PHF20: variants seen among roughly 807,000 people sequenced by gnomAD.
The protein encoded by PHF20 is PHD finger protein 20.
In PHF20, 23 loss-of-function variants were observed where a neutral mutation model predicts 113.5. The observed-to-expected ratio is 0.20, with a 90% CI of 0.15 to 0.29. The LOEUF is 0.29. Ranked by LOEUF, PHF20 falls within the 10% of genes least tolerant of loss-of-function variation. PHF20 has a pLI of 1.00. For synonymous variants in PHF20, 434 were observed against 457.3 expected (o/e 0.95, Z 0.65); for missense variants, 943 against 1,219.6 (o/e 0.77, Z 3.38).
At chr20:35,874,429 C>T (rs191173668) in intron 9 of PHF20, among the ~76,000 whole-genome samples, 2 of 152,232 alleles carry the variant, frequency 1.3e-5, no homozygotes, top group Admixed American at 6.5e-5. Flanking sequence ...TGAAGAATTT[C>T]CTTCAGATTT....
intron 6 of PHF20, among the ~76,000 whole-genome samples, chr20:35,867,172 T>A (rs2054333506): frequency 6.6e-6 from 1 of 152,228 alleles, no homozygotes; most frequent in East Asian, 1.9e-4. Context: ...GTTCATTGAT[T>A]TGTAGAGCCT....
intron 2 of PHF20, among the ~76,000 whole-genome samples, chr20:35,811,617 T>C (rs1431175012): frequency 1.3e-5 from 2 of 151,144 alleles, no homozygotes; most frequent in African/African-American, 4.9e-5. Flanking sequence ...TAATTTTTTT[T>C]GTATTTAGTA....
chr20:35,787,434 C>T (rs866080462), intron 1 of PHF20, among the ~76,000 whole-genome samples: 2 of 151,734 alleles, frequency 1.3e-5, no homozygotes, highest in Non-Finnish European at 1.5e-5. Context: ...CCGCCTCCAC[C>T]TCTCAAAGTG....
intron 1 of PHF20, among the ~76,000 whole-genome samples, chr20:35,772,436 T>C (rs1385696100): frequency 2.0e-5 from 3 of 152,158 alleles, no homozygotes; most frequent in Admixed American, 2.0e-4. Flanking sequence ...CTGAGCTGTG[T>C]GGGCACCTAG....
intron 6 of PHF20, among the ~76,000 whole-genome samples, chr20:35,864,407 A>AACACACACACACAC (rs376477234): frequency 3.5e-4 from 47 of 132,530 alleles, no homozygotes; most frequent in South Asian, 1.7e-3. Context: ...CCCATCTCAA[A>AACACACACACACAC]ACACACACAC....
At chr20:35,898,057 G>T (rs1416363328) in intron 9 of PHF20, among the ~76,000 whole-genome samples, 1 of 151,772 alleles carries the variant, frequency 6.6e-6, no homozygotes, top group Non-Finnish European at 1.5e-5. Context: ...TGTATTTTTA[G>T]TAGAGATGGG....
At chr20:35,793,492 G>T (rs998833104) in intron 1 of PHF20, among the ~76,000 whole-genome samples, 1 of 150,662 alleles carries the variant, frequency 6.6e-6, no homozygotes, top group African/African-American at 2.4e-5. Context: ...TAGAGACGGG[G>T]TTTCACCATA....
intron 2 of PHF20, among the ~76,000 whole-genome samples, chr20:35,813,196 T>C (rs1287844339): frequency 6.6e-6 from 1 of 151,826 alleles, no homozygotes; most frequent in East Asian, 1.9e-4. Context: ...GGTCTCGATC[T>C]CCTGGCCTCG....
chr20:35,840,651 C>CCAGCAG (rs747108234), intron 2 of PHF20, among the ~76,000 whole-genome samples: 6 of 151,680 alleles, frequency 4.0e-5, no homozygotes, highest in Non-Finnish European at 8.8e-5. Flanking sequence ...TTATTGCAGA[C>CCAGCAG]CAGCAGCAGC....
At chr20:35,894,649 G>T (rs2054943705) in intron 9 of PHF20, among the ~76,000 whole-genome samples, 1 of 152,178 alleles carries the variant, frequency 6.6e-6, no homozygotes, top group Non-Finnish European at 1.5e-5. Context: ...ACCTTTCTAA[G>T]CTCTTTGCAT....
chr20:35,883,394 A>T (rs543596982), intron 9 of PHF20, among the ~76,000 whole-genome samples: 1 of 152,286 alleles, frequency 6.6e-6, no homozygotes, highest in Admixed American at 6.5e-5. Flanking sequence ...AGTTAGCTAG[A>T]GTGGCACACT....
intron 4 of PHF20, among the ~76,000 whole-genome samples, chr20:35,857,111 A>T (rs902107657): frequency 6.6e-6 from 1 of 152,136 alleles, no homozygotes; most frequent in African/African-American, 2.4e-5. Context: ...ATTGGTTCTA[A>T]AAAGAGAAAA....
chr20:35,894,413 T>A (rs1252726711), intron 9 of PHF20, among the ~76,000 whole-genome samples: 1 of 152,240 alleles, frequency 6.6e-6, no homozygotes, highest in Non-Finnish European at 1.5e-5. Context: ...AGAATCTGGA[T>A]AATTAGACTA....
chr20:35,816,773 C>T (rs903289365), intron 2 of PHF20, among the ~76,000 whole-genome samples: 9 of 145,690 alleles, frequency 6.2e-5, no homozygotes, highest in Admixed American at 4.2e-4. Flanking sequence ...TAAACTTAAT[C>T]CAAAATTAAA....
chr20:35,927,260 G>A (rs1038055900), intron 13 of PHF20, among the ~76,000 whole-genome samples: 9 of 152,212 alleles, frequency 5.9e-5, no homozygotes, highest in African/African-American at 9.7e-5. Context: ...TACTCCAGCA[G>A]GGGTCTTAGT....
At chr20:35,896,004 C>T (rs1194371849) in intron 9 of PHF20, among the ~76,000 whole-genome samples, 1 of 151,798 alleles carries the variant, frequency 6.6e-6, no homozygotes, top group African/African-American at 2.4e-5. Context: ...TCTTCTCTTA[C>T]CTGCAACTAA....
At chr20:35,788,166 G>A (rs928526031) in intron 1 of PHF20, among the ~76,000 whole-genome samples, 9 of 144,656 alleles carry the variant, frequency 6.2e-5, no homozygotes, top group African/African-American at 2.3e-4. Flanking sequence ...GCGCGATCTC[G>A]GCTCACTGCA....
intron 2 of PHF20, among the ~76,000 whole-genome samples, chr20:35,840,089 G>A (rs1002455327): frequency 1.3e-5 from 2 of 152,140 alleles, no homozygotes; most frequent in African/African-American, 4.8e-5. Flanking sequence ...TGTTTATTAG[G>A]ACAGCACTGT....
intron 10 of PHF20, among the ~76,000 whole-genome samples, chr20:35,909,377 C>T (rs1051250045): frequency 3.3e-5 from 5 of 151,968 alleles, no homozygotes; most frequent in Admixed American, 3.3e-4. Context: ...CTAGAATGTG[C>T]CTGGAACATA....
Sources: gnomAD v4.1 joint callset for allele counts (sites outside exome capture counted in the v4.1 genomes callset) on GRCh38, gnomAD v4.1.1 for gene constraint, MANE v1.5 for transcripts, NCBI Gene and HGNC (gene_info 2026-07-23, HGNC 2026-07-21) for gene names.